ZDHHC3: variants seen among roughly 807,000 people sequenced by gnomAD.
ZDHHC3 encodes the protein zDHHC palmitoyltransferase 3.
Under a neutral mutation model 30.6 loss-of-function variants are expected in ZDHHC3, and 9 were observed. The observed-to-expected ratio is 0.29, with a 90% CI of 0.18 to 0.51. The LOEUF (loss-of-function observed/expected upper bound fraction) is 0.51. Ranked by LOEUF, ZDHHC3 falls within the 20% of genes least tolerant of loss-of-function variation. ZDHHC3 has a pLI of 0.97. For synonymous variants in ZDHHC3, 136 were observed against 140.2 expected, an observed-to-expected ratio of 0.97 and a Z score of 0.21; for missense variants, 246 against 384.2, an observed-to-expected ratio of 0.64 and a Z score of 3.01.
rs1206593213 is a variant in ZDHHC3 at position 44,924,576 on chromosome 3, G to A, written c.*2113C>T. On this transcript the variant is annotated 3_prime_UTR_variant, in exon 7 of 7. Coordinates refer to ENST00000424952, the MANE Select transcript of ZDHHC3 (RefSeq NM_001135179.2). Reference sequence around the variant, plus strand: ...TATTTTTAGGACTAAAAAAAAGTCAGTGCATCTTCAGCACTATCTACTGCA... The same window carrying A: ...TATTTTTAGGACTAAAAAAAAGTCAATGCATCTTCAGCACTATCTACTGCA... 2.0e-6 allele frequency: 2 copies of A among 985,322 alleles called. No homozygotes were observed. The highest frequency in any genetic ancestry group is 1.1e-4 in the East Asian group (1 of 8,832). The allele number at this position is 985,322 out of a possible 1,614,324, so 61.0% of individuals were successfully genotyped here. A position where few individuals can be genotyped will look rare whatever the true frequency, so the allele number is the denominator to read the frequency against.
chr3:44,926,037 C>T lies in ZDHHC3; in HGVS notation c.*652G>A. On this transcript the variant is annotated 3_prime_UTR_variant, in exon 7 of 7. Coordinates refer to ENST00000424952, the MANE Select transcript of ZDHHC3 (RefSeq NM_001135179.2). ...CTGATTCAGAATACAAATAAGACCT[C>T]TTTCATCTTTCTCCCCACTCCCCCG... The T allele has an allele frequency of 2.6e-5, 26 of 985,880 alleles. No homozygotes were observed. The highest frequency in any genetic ancestry group is 3.0e-5 in the Non-Finnish European group (25 of 829,956). 61.1% of individuals were successfully genotyped at this position (985,880 alleles called of 1,614,324 possible).
chr3:44,955,948 G>A (rs1017405602), intron 2 of ZDHHC3, among the ~76,000 whole-genome samples: 2 of 152,132 alleles, frequency 1.3e-5, no homozygotes, highest in Non-Finnish European at 2.9e-5. Flanking sequence ...TTCATTTTTG[G>A]GGCCAGTTAT....
chr3:44,963,828 G>C (rs746825728), intron 1 of ZDHHC3, among the ~76,000 whole-genome samples: 19 of 152,122 alleles, frequency 1.2e-4, no homozygotes, highest in Non-Finnish European at 7.3e-5. Context: ...CTTCACCCCG[G>C]CCCCTTGCCC....
Position 44,925,306 on chromosome 3 carries a change from G to A in ZDHHC3, c.*1383C>T. On this transcript the variant is annotated 3_prime_UTR_variant, in exon 7 of 7. Transcript: ENST00000424952. Reference sequence around the variant, plus strand: ...CTTTCGCCCTACCCAGGACAGGATTGAATAAACCTTAACTCCTACCCCCAC... The same window carrying A: ...CTTTCGCCCTACCCAGGACAGGATTAAATAAACCTTAACTCCTACCCCCAC... The A allele has an allele frequency of 1.0e-6, 1 of 985,878 alleles. No individual in the cohort carries two copies. Among genetic ancestry groups the A allele is most frequent in the Non-Finnish European group, 1.2e-6 (1 of 829,934 alleles). 61.1% of individuals were successfully genotyped at this position (985,878 alleles called of 1,614,324 possible).
rs1700777865 is a variant in ZDHHC3, at chr3:44,923,747, G to A, written c.*2942C>T. 5.3e-6 allele frequency: 5 copies of A among 938,870 alleles called. No homozygotes were observed. The highest frequency in any genetic ancestry group is 6.3e-6 in the Non-Finnish European group (5 of 787,658). The allele number at this position is 938,870 out of a possible 1,614,324, so 58.2% of individuals were successfully genotyped here. A position where few individuals can be genotyped will look rare whatever the true frequency, so the allele number is the denominator to read the frequency against. On this transcript the variant is annotated 3_prime_UTR_variant, in exon 7 of 7. Transcript: ENST00000424952. ...GAGCCCAGGAGTTCAAGGCTGCAGTGAGCTCTAATTGTGCCACTGCATTCC... is the reference window on the plus strand; with the variant it reads ...GAGCCCAGGAGTTCAAGGCTGCAGTAAGCTCTAATTGTGCCACTGCATTCC...
Position 44,918,489 on chromosome 3 carries a change from G to T in ZDHHC3, c.*8200C>A. 1.0e-6 allele frequency: 1 copy of T among 985,400 alleles called. No individual in the cohort carries two copies. Among genetic ancestry groups the T allele is most frequent in the Non-Finnish European group, 1.2e-6 (1 of 829,928 alleles). The allele number at this position is 985,400 out of a possible 1,614,324, so 61.0% of individuals were successfully genotyped here. A position where few individuals can be genotyped will look rare whatever the true frequency, so the allele number is the denominator to read the frequency against. On this transcript the variant is annotated 3_prime_UTR_variant, in exon 7 of 7. Coordinates refer to ENST00000424952, the MANE Select transcript of ZDHHC3 (RefSeq NM_001135179.2). ...AGGGGCTAGGCTGATGAGTGGCTGA[G>T]GCATAAGGGGGACCACACATCCTCT...
At chr3:44,950,657 A>G (rs1480063101) in intron 2 of ZDHHC3, among the ~76,000 whole-genome samples, 1 of 152,204 alleles carries the variant, frequency 6.6e-6, no homozygotes, top group Non-Finnish European at 1.5e-5. Flanking sequence ...CCCAAGACTG[A>G]GGAGTCTGAT....
intron 1 of ZDHHC3, among the ~76,000 whole-genome samples, chr3:44,973,947 A>G (rs542219966): frequency 6.6e-6 from 1 of 152,356 alleles, no homozygotes; most frequent in East Asian, 1.9e-4. Context: ...ATACTGTGCC[A>G]TCCTTGACTT....
chr3:44,968,654 C>T (rs1308439231), intron 1 of ZDHHC3, among the ~76,000 whole-genome samples: 2 of 152,190 alleles, frequency 1.3e-5, no homozygotes, highest in African/African-American at 4.8e-5. Flanking sequence ...TAAGATTGCA[C>T]CACTGCACTC....
chr3:44,923,534 G>T lies in ZDHHC3; in HGVS notation c.*3155C>A. The T allele has an allele frequency of 6.1e-6, 6 of 985,372 alleles. No homozygotes were observed. The highest frequency in any genetic ancestry group is 7.2e-6 in the Non-Finnish European group (6 of 829,876). The allele number at this position is 985,372 out of a possible 1,614,324, so 61.0% of individuals were successfully genotyped here. A position where few individuals can be genotyped will look rare whatever the true frequency, so the allele number is the denominator to read the frequency against. ...AAGAAGTACAGGGCTGGGCCCAGTG[G>T]CTCACGCCTGTAATCCCAGGACTTT... On this transcript the variant is annotated 3_prime_UTR_variant, in exon 7 of 7. Coordinates refer to ENST00000424952, the MANE Select transcript of ZDHHC3 (RefSeq NM_001135179.2).
At chr3:44,960,360 A>G (rs1363839026) in intron 1 of ZDHHC3, among the ~76,000 whole-genome samples, 1 of 152,202 alleles carries the variant, frequency 6.6e-6, no homozygotes, top group Non-Finnish European at 1.5e-5. Flanking sequence ...AATGATACAG[A>G]TCATAACACT....
Position 44,925,550 on chromosome 3 carries a change from G to A in ZDHHC3, c.*1139C>T. The A allele has an allele frequency of 1.0e-6, 1 of 985,494 alleles. No individual in the cohort carries two copies. Among genetic ancestry groups the A allele is most frequent in the Non-Finnish European group, 1.2e-6 (1 of 829,952 alleles). 61.0% of individuals were successfully genotyped at this position (985,494 alleles called of 1,614,324 possible). ...AAATCTATTCTGTCCCAGTGCCACA[G>A]GCTTAGGTGTGTCTGTGGATTCTGG... On this transcript the variant is annotated 3_prime_UTR_variant, in exon 7 of 7. Coordinates refer to ENST00000424952, the MANE Select transcript of ZDHHC3 (RefSeq NM_001135179.2).
chr3:44,918,002 C>T lies in ZDHHC3; in HGVS notation c.*8687G>A. The T allele has an allele frequency of 7.7e-7, 1 of 1,305,476 alleles. No homozygotes were observed. The highest frequency in any genetic ancestry group is 1.0e-6 in the Non-Finnish European group (1 of 988,970). The allele number at this position is 1,305,476 out of a possible 1,614,324, so 80.9% of individuals were successfully genotyped here. The stretch of plus-strand genomic sequence containing the variant: ...GTCACCTGCCGCACCATGTCTTTGT[C>T]ACTGGGGATCTCTGGCTGACACGGT... On this transcript the variant is annotated 3_prime_UTR_variant, in exon 7 of 7. Coordinates refer to ENST00000424952, the MANE Select transcript of ZDHHC3 (RefSeq NM_001135179.2).
chr3:44,965,355 G>A (rs1453874814), intron 1 of ZDHHC3, among the ~76,000 whole-genome samples: 1 of 152,128 alleles, frequency 6.6e-6, no homozygotes, highest in African/African-American at 2.4e-5. Context: ...ATGAGCCCCA[G>A]GGACTGGGTT....
chr3:44,953,636 CAACCCCAGGCCTGCAT>C (rs1207293942), intron 2 of ZDHHC3, among the ~76,000 whole-genome samples: 1 of 152,072 alleles, frequency 6.6e-6, no homozygotes, highest in African/African-American at 2.4e-5. Context: ...GCATGGTAAC[CAACCCCAGGCCTGCAT>C]CACTGGCCAT....
chr3:44,966,780 T>C (rs575672543), intron 1 of ZDHHC3, among the ~76,000 whole-genome samples: 1 of 152,358 alleles, frequency 6.6e-6, no homozygotes, highest in East Asian at 1.9e-4. Flanking sequence ...ACTTTTTAGA[T>C]GAGTCTCAGA....
chr3:44,959,900 T>A lies in ZDHHC3; in HGVS notation c.-24-440A>T, dbSNP rs1704321491. ...CCTCAACCTCCCAAGTACCTAGAAC[T>A]ACAGGCACGCACCACCACACCTGGC... On this transcript the variant is annotated intron_variant, in intron 1 of 6. Transcript: ENST00000424952. This position sits in a 1 kb window ranked among gnomAD's most constrained non-coding sequence, Gnocchi z 4.3. 6.6e-6 allele frequency among the ~76,000 whole-genome samples: 1 copy of A among 152,118 alleles called. No homozygotes were observed. Among genetic ancestry groups the A allele is most frequent in the Non-Finnish European group, 1.5e-5 (1 of 68,026 alleles).
At chr3:44,968,621 A>G (rs1705154318) in intron 1 of ZDHHC3, among the ~76,000 whole-genome samples, 1 of 152,214 alleles carries the variant, frequency 6.6e-6, no homozygotes, top group Admixed American at 6.5e-5. Context: ...GCCTGAGCCC[A>G]GAAGGTTGAG....
Position 44,975,770 on chromosome 3 carries a change from TCTCA to T in ZDHHC3, c.-25+159_-25+162del, listed in dbSNP as rs1446973393. Among the ~76,000 whole-genome samples, 643 of 111,486 alleles carry T rather than the reference TCTCA, an allele frequency of 5.8e-3. 2 individuals carry two copies. The East Asian group carries it at 0.061, about 11-fold the overall frequency. 73.1% of individuals were successfully genotyped at this position (111,486 alleles called of 152,430 possible). The stretch of plus-strand genomic sequence containing the variant: ...GGGTCTCTCTCTCTCTCTCTCTCTC[TCTCA>T]CACACACACACACACACACACACAC... On this transcript the variant is annotated intron_variant, in intron 1 of 6. Coordinates refer to ENST00000424952, the MANE Select transcript of ZDHHC3 (RefSeq NM_001135179.2).
Sources: allele counts gnomAD v4.1 joint callset (sites outside exome capture counted in the v4.1 genomes callset), GRCh38; gene constraint gnomAD v4.1.1; non-coding constraint Gnocchi (gnomAD v3.1); transcripts MANE v1.5; gene names NCBI Gene and HGNC (gene_info 2026-07-23, HGNC 2026-07-21).